Variants in PALM2AKAP2 observed in about 807,000 individuals in gnomAD.
The protein encoded by PALM2AKAP2 is PALM2 and AKAP2 fusion, also known as PALM2-AKAP2 fusion protein.
A neutral mutation model predicts 71.5 loss-of-function variants in PALM2AKAP2; 37 were observed. The observed-to-expected ratio is 0.52, with a 90% confidence interval of 0.40 to 0.68. The LOEUF (loss-of-function observed/expected upper bound fraction) is 0.68, where lower values mean the gene tolerates loss of function less well. Ranked by LOEUF, PALM2AKAP2 falls within the 30% of genes least tolerant of loss-of-function variation. The pLI, the probability that PALM2AKAP2 is intolerant of heterozygous loss-of-function variation, is 0.00. For missense variants in PALM2AKAP2, 1,224 were observed against 1,191.8 expected (o/e 1.03, Z -0.40); for synonymous variants, 468 against 478.8 (o/e 0.98, Z 0.29).
intron 1 of PALM2AKAP2, among the ~76,000 whole-genome samples, chr9:109,848,779 A>T (rs1828931825): frequency 2.1e-5 from 1 of 48,544 alleles, no homozygotes; most frequent in Non-Finnish European, 4.3e-5. Context: ...CCATCTCTAC[A>T]AAAAAAAAAA....
At chr9:109,757,594 G>C (rs1427800107) in intron 1 of PALM2AKAP2, among the ~76,000 whole-genome samples, 1 of 152,066 alleles carries the variant, frequency 6.6e-6, no homozygotes, top group African/African-American at 2.4e-5. Flanking sequence ...TGGTGCCCCA[G>C]AGTTTGATAG....
At chr9:110,045,726 T>C (rs2132478819), upstream of PALM2AKAP2, among the ~76,000 whole-genome samples, 1 of 152,128 alleles carries the variant, frequency 6.6e-6, no homozygotes, top group South Asian at 2.1e-4. Flanking sequence ...TGCCACCACG[T>C]CTGGCTAATT....
At chr9:109,987,927 A>C (rs1370218260) in intron 6 of PALM2AKAP2, among the ~76,000 whole-genome samples, 6 of 152,264 alleles carry the variant, frequency 3.9e-5, no homozygotes, top group Non-Finnish European at 8.8e-5. Context: ...GAGATTCCTC[A>C]TCAGTCTCTG....
intron 1 of PALM2AKAP2, among the ~76,000 whole-genome samples, chr9:109,677,839 T>C (rs1827670179): frequency 6.6e-6 from 1 of 152,064 alleles, no homozygotes; most frequent in Admixed American, 6.6e-5. Flanking sequence ...TGAAAAGACT[T>C]TGAGATGATT....
At chr9:109,880,585 G>A in exon 3 of PALM2AKAP2, 1 of 1,613,428 alleles carries the variant, frequency 6.2e-7, no homozygotes, top group Non-Finnish European at 8.5e-7. Flanking sequence ...CTGCTGCAGG[G>A]CATACCCGCT....
At chr9:109,777,669 C>G (rs1829367155), upstream of PALM2AKAP2, among the ~76,000 whole-genome samples, 1 of 152,190 alleles carries the variant, frequency 6.6e-6, no homozygotes, top group Non-Finnish European at 1.5e-5. Flanking sequence ...TCACTCATGG[C>G]TTACTGACAG....
chr9:109,659,975 G>A (rs746555204), intron 1 of PALM2AKAP2, among the ~76,000 whole-genome samples: 14 of 151,950 alleles, frequency 9.2e-5, no homozygotes, highest in Admixed American at 2.6e-4. Context: ...CAAGTAGCTG[G>A]AACTACAGGC....
chr9:109,680,757 C>T (rs2418035), intron 1 of PALM2AKAP2, among the ~76,000 whole-genome samples: 99,077 of 152,086 alleles, frequency 0.65, 33,342 homozygotes, highest in African/African-American at 0.83. Context: ...CTACAAAAAG[C>T]ATAATATAAT....
chr9:109,797,198 CT>C (rs1827284475), intron 1 of PALM2AKAP2, among the ~76,000 whole-genome samples: 1 of 152,068 alleles, frequency 6.6e-6, no homozygotes, highest in Non-Finnish European at 1.5e-5. Flanking sequence ...GGGTTGTGTC[CT>C]TTGGCCGCTA....
chr9:109,716,942 A>G (rs558546756), intron 1 of PALM2AKAP2, among the ~76,000 whole-genome samples: 21 of 152,276 alleles, frequency 1.4e-4, no homozygotes, highest in African/African-American at 4.1e-4. Flanking sequence ...TGCCAGAAGG[A>G]CTAACTCCTG....
chr9:109,655,168 C>T (rs912448581), intron 1 of PALM2AKAP2, among the ~76,000 whole-genome samples: 1 of 151,796 alleles, frequency 6.6e-6, no homozygotes, highest in Non-Finnish European at 1.5e-5. Flanking sequence ...TGGTGGCGGG[C>T]GCCTGTAGTC....
intron 2 of PALM2AKAP2, among the ~76,000 whole-genome samples, chr9:110,142,242 TTTTG>T (rs1836052411): frequency 6.6e-6 from 1 of 151,908 alleles, no homozygotes; most frequent in African/African-American, 2.4e-5. Flanking sequence ...CAGCTAAATT[TTTTG>T]TTTGTTTGTT....
intron 7 of PALM2AKAP2, chr9:110,024,786 T>TAAAAAAAAA (rs77237793): frequency 2.1e-6 from 1 of 475,614 alleles, no homozygotes; most frequent in African/African-American, 2.1e-5. Context: ...GACCCTGTCT[T>TAAAAAAAAA]AAAAAAAAAA....
intron 1 of PALM2AKAP2, among the ~76,000 whole-genome samples, chr9:109,645,038 A>AT (rs1827129131): frequency 1.3e-5 from 2 of 152,054 alleles, no homozygotes; most frequent in South Asian, 4.1e-4. Context: ...AGTTTTGACT[A>AT]TTTTTTCAGC....
At chr9:110,163,163 TTTTA>T (rs1455932225) in intron 3 of PALM2AKAP2, among the ~76,000 whole-genome samples, 1 of 152,086 alleles carries the variant, frequency 6.6e-6, no homozygotes, top group Non-Finnish European at 1.5e-5. Context: ...TTTTTCATAT[TTTTA>T]TTTCTGTATT....
rs188557545 is a variant in PALM2AKAP2, at chr9:109,916,133, G to A, written c.258-7602G>A. ...TAATTTTTGTATTTTTAGTAGAGAC[G>A]GAGTTTCACCACATTGGACAGGCTG... On this transcript the variant is annotated intron_variant, in intron 3 of 9. Coordinates refer to the PALM2AKAP2 transcript ENST00000302798. Among the ~76,000 whole-genome samples the A allele has an allele frequency of 7.2e-5, 11 of 152,202 alleles. No individual in the cohort carries two copies. In the East Asian group the frequency reaches 1.9e-3, roughly 27 times the overall value.
intron 6 of PALM2AKAP2, among the ~76,000 whole-genome samples, chr9:109,999,596 A>G (rs1439922332): frequency 6.6e-6 from 1 of 152,144 alleles, no homozygotes; most frequent in South Asian, 2.1e-4. Flanking sequence ...CCTGCCCAGA[A>G]CTAACACTTC....
chr9:110,070,582 A>G (rs1242984716), intron 1 of PALM2AKAP2, among the ~76,000 whole-genome samples: 2 of 152,180 alleles, frequency 1.3e-5, no homozygotes, highest in Non-Finnish European at 2.9e-5. Context: ...AATTGTGATA[A>G]GCTGGGTATT....
At chr9:110,087,674 C>T (rs2118755818) in intron 1 of PALM2AKAP2, among the ~76,000 whole-genome samples, 1 of 152,346 alleles carries the variant, frequency 6.6e-6, no homozygotes, top group Middle Eastern at 3.4e-3. Flanking sequence ...TTTCCCATTT[C>T]ATCAAGGAAG....
Sources: gnomAD v4.1 joint callset for allele counts (sites outside exome capture counted in the v4.1 genomes callset) on GRCh38, gnomAD v4.1.1 for gene constraint, MANE v1.5 for transcripts, NCBI Gene and HGNC (gene_info 2026-07-23, HGNC 2026-07-21) for gene names.